The following LRCH3 variants were observed in gnomAD, a reference collection of about 807,000 sequenced individuals.
LRCH3 encodes DISP complex protein LRCH3.
Under a neutral mutation model 104.5 loss-of-function variants are expected in LRCH3, and 68 were observed. The ratio of observed to expected loss-of-function variants is 0.65; its 90% CI spans 0.54 to 0.80. The LOEUF (loss-of-function observed/expected upper bound fraction) is 0.80, where lower values mean the gene tolerates loss of function less well. LRCH3 is among the 30% of genes least tolerant of loss of function. LRCH3 has a pLI of 0.00. For missense variants in LRCH3, 951 were observed against 953.9 expected, an observed-to-expected ratio of 1.00 and a Z score of 0.04; for synonymous variants, 344 against 361.3, an observed-to-expected ratio of 0.95 and a Z score of 0.54.
intron 12 of LRCH3, 48 bp from the exon 13 acceptor site, chr3:197,852,512 TC>T: frequency 6.4e-7 from 1 of 1,559,774 alleles, no homozygotes. Context: ...TTTGCAGTGT[TC>T]CAGGCTCTAA....
chr3:197,836,080 A>T (rs1391747171), intron 9 of LRCH3, among the ~76,000 whole-genome samples: 1 of 152,194 alleles, frequency 6.6e-6, no homozygotes, highest in African/African-American at 2.4e-5. Context: ...AAGTCTAGGT[A>T]CTGTTAAGGC....
chr3:197,878,049 A>G (rs544538478), intron 20 of LRCH3, among the ~76,000 whole-genome samples: 30 of 152,300 alleles, frequency 2.0e-4, no homozygotes, highest in African/African-American at 6.0e-4. Flanking sequence ...GGTTCTTGCT[A>G]CACAAACATC....
intron 6 of LRCH3, among the ~76,000 whole-genome samples, chr3:197,829,997 A>T (rs988457940): frequency 6.6e-6 from 1 of 152,226 alleles, no homozygotes; most frequent in Non-Finnish European, 1.5e-5. Flanking sequence ...AAAGTCTCCA[A>T]ATGTCACCTT....
At position 197,852,448 on chromosome 3, in the gene LRCH3, A is replaced by G; in HGVS notation, c.1531-113A>G. The G allele has an allele frequency of 1.7e-5, 17 of 1,018,328 alleles. No individual in the cohort carries two copies. In the South Asian group the frequency reaches 2.2e-4, roughly 13 times the overall value. 63.1% of individuals were successfully genotyped at this position (1,018,328 alleles called of 1,614,324 possible). A position where few individuals can be genotyped will look rare whatever the true frequency, so the allele number is the denominator to read the frequency against. On this transcript the variant is annotated intron_variant, in intron 12 of 20. Coordinates refer to ENST00000425562, the MANE Select transcript of LRCH3 (RefSeq NM_001365715.1). ...TAGTAAATCTAGAAAAATGCTATAAACAAGAGGTAAAAAAATTAATTTGAG... is the reference window on the plus strand; with the variant it reads ...TAGTAAATCTAGAAAAATGCTATAAGCAAGAGGTAAAAAAATTAATTTGAG...
In LRCH3 at chr3:197,870,155, T is replaced by C. The variant is rs367977536; in HGVS notation, c.1874-5T>C. ...TTTCTGTCTTACATATTAATATTTT[T>C]ATAGGTCATGCTTCACCCCTTCCTC... is the stretch of plus-strand genomic sequence containing the variant. On this transcript the variant is annotated splice_polypyrimidine_tract_variant and splice_region_variant and intron_variant, in intron 17 of 20. Coordinates refer to ENST00000425562, the MANE Select transcript of LRCH3 (RefSeq NM_001365715.1). 6 of 1,611,324 alleles carry C rather than the reference T, an allele frequency of 3.7e-6. No homozygotes were observed. In the Admixed American group the frequency reaches 6.7e-5, roughly 18 times the overall value.
At chr3:197,873,772 C>T (rs1044612731) in intron 19 of LRCH3, among the ~76,000 whole-genome samples, 4 of 152,008 alleles carry the variant, frequency 2.6e-5, no homozygotes, top group East Asian at 3.9e-4. Context: ...CCTGTAATCC[C>T]AGCACTTTGG....
chr3:197,875,115 G>A (rs1279825962), intron 19 of LRCH3, among the ~76,000 whole-genome samples: 6 of 152,004 alleles, frequency 3.9e-5, no homozygotes. Context: ...ATTATTAGTA[G>A]AGACGGGGTT....
At chr3:197,862,296 C>T (rs545921786) in intron 15 of LRCH3, among the ~76,000 whole-genome samples, 8 of 152,194 alleles carry the variant, frequency 5.3e-5, no homozygotes, top group African/African-American at 1.9e-4. Flanking sequence ...TGCGCCCGGC[C>T]TGTTGCTGTT....
intron 8 of LRCH3, among the ~76,000 whole-genome samples, chr3:197,833,365 GAAAAAAAAAA>G (rs71166710): frequency 2.7e-4 from 9 of 33,334 alleles, no homozygotes; most frequent in South Asian, 4.3e-3. Flanking sequence ...ACTAAAAACC[GAAAAAAAAAA>G]AAAAAAAAAA....
intron 20 of LRCH3, chr3:197,880,899 TACGA>T: frequency 7.0e-7 from 1 of 1,429,350 alleles, no homozygotes; most frequent in Non-Finnish European, 9.1e-7. Context: ...AGTAAACATT[TACGA>T]TTGCTAACAA....
intron 17 of LRCH3, among the ~76,000 whole-genome samples, chr3:197,869,326 C>T (rs1711775714): frequency 6.6e-6 from 1 of 151,272 alleles, no homozygotes; most frequent in Non-Finnish European, 1.5e-5. Context: ...ACTGTACCTG[C>T]AGGAAGTAGA....
At chr3:197,850,640 C>A in intron 12 of LRCH3, 1 of 1,557,810 alleles carries the variant, frequency 6.4e-7, no homozygotes, top group Non-Finnish European at 8.8e-7. Flanking sequence ...CATCTGAACC[C>A]TTAAGTTCAG....
rs568541608 is a variant in LRCH3, at chr3:197,838,595, GT to G, written c.1252-722del. On this transcript the variant is annotated intron_variant, in intron 9 of 20. Coordinates refer to ENST00000425562, the MANE Select transcript of LRCH3 (RefSeq NM_001365715.1). ...AAACAAGATTGTATTGCTTCTATAG[GT>G]TTTCCTTTGATAACCTTTAATCCTC... 9.0e-4 allele frequency among the ~76,000 whole-genome samples: 137 copies of G among 152,152 alleles called. 2 individuals carry two copies. Among genetic ancestry groups the G allele is most frequent in the Non-Finnish European group, 9.4e-4 (64 of 67,996 alleles).
chr3:197,844,586 G>A (rs1738322735), intron 10 of LRCH3, among the ~76,000 whole-genome samples: 1 of 150,862 alleles, frequency 6.6e-6, no homozygotes, highest in Admixed American at 6.6e-5. Flanking sequence ...AGTATAGAGA[G>A]GAATGAATAA....
intron 20 of LRCH3, among the ~76,000 whole-genome samples, chr3:197,879,454 G>T (rs1481977277): frequency 6.6e-6 from 1 of 151,358 alleles, no homozygotes; most frequent in South Asian, 2.1e-4. Context: ...AGACCATCCT[G>T]GCTAACATGG....
chr3:197,868,963 TATTA>T (rs1711685163), intron 17 of LRCH3, among the ~76,000 whole-genome samples: 1 of 152,260 alleles, frequency 6.6e-6, no homozygotes, highest in African/African-American at 2.4e-5. Flanking sequence ...TTTTTCTGTG[TATTA>T]ATTTTCAATA....
intron 8 of LRCH3, among the ~76,000 whole-genome samples, chr3:197,833,252 G>T (rs1286014903): frequency 6.6e-6 from 1 of 150,852 alleles, no homozygotes; most frequent in Non-Finnish European, 1.5e-5. Context: ...GGGCGTGGTG[G>T]CTCACGCCTG....
Position 197,791,429 on chromosome 3 carries a change from C to G in LRCH3, c.151C>G (p.Arg51Gly), listed in dbSNP as rs1730481402. 1.3e-6 allele frequency: 2 copies of G among 1,594,706 alleles called. No homozygotes were observed. The highest frequency in any genetic ancestry group is 1.7e-6 in the Non-Finnish European group (2 of 1,172,092). The change falls in exon 1 of 21, where the codon CGA (arginine) becomes GGA (glycine). Residue 51 changes from arginine (R) to glycine (G), a missense_variant. By Grantham distance (125) the Arg-to-Gly change is moderately radical. Coordinates refer to ENST00000425562, the MANE Select transcript of LRCH3 (RefSeq NM_001365715.1). ...GPGSWSRSLD[R>G]ALEEAAVTGV... ...GGGCTCGTGGAGCCGCTCTCTCGAT[C>G]GAGCCCTGGAGGAGGCGGCGGTCAC...
intron 4 of LRCH3, among the ~76,000 whole-genome samples, chr3:197,823,903 C>T (rs1016033487): frequency 1.2e-4 from 19 of 152,142 alleles, no homozygotes; most frequent in Non-Finnish European, 2.6e-4. Flanking sequence ...ACACTGTCAC[C>T]ATACCATGCC....
Sources: allele counts gnomAD v4.1 joint callset (sites outside exome capture counted in the v4.1 genomes callset), GRCh38; gene constraint gnomAD v4.1.1; transcripts MANE v1.5; gene names NCBI Gene and HGNC (gene_info 2026-07-23, HGNC 2026-07-21).